Variants in SAMD3 observed in about 807,000 individuals in gnomAD.
The protein encoded by SAMD3 is sterile alpha motif domain-containing protein 3.
Under a neutral mutation model 58.5 loss-of-function variants are expected in SAMD3, and 63 were observed. The ratio of observed to expected loss-of-function variants is 1.08; its 90% CI spans 0.88 to 1.33. The LOEUF is 1.33. SAMD3 is among the 40% of genes most tolerant of loss of function. The probability of loss-of-function intolerance (pLI) is 0.00; values close to 1 mark genes in which losing one functional copy is unlikely to be tolerated. For missense variants in SAMD3, 604 were observed against 608.4 expected, an observed-to-expected ratio of 0.99 and a Z score of 0.08; for synonymous variants, 220 against 210.3, an observed-to-expected ratio of 1.05 and a Z score of -0.40.
intron 8 of SAMD3, among the ~76,000 whole-genome samples, chr6:130,175,490 T>G (rs1283512966): frequency 6.6e-6 from 1 of 152,044 alleles, no homozygotes; most frequent in African/African-American, 2.4e-5. Flanking sequence ...ATGTGAGTAT[T>G]AAAAAACTTC....
chr6:130,177,735 ACTTC>A (rs1324384353), intron 7 of SAMD3, among the ~76,000 whole-genome samples: 2 of 150,330 alleles, frequency 1.3e-5, no homozygotes, highest in South Asian at 2.1e-4. Context: ...TCCCTCCTTC[ACTTC>A]CTTCCTTCCT....
intron 2 of SAMD3, chr6:130,215,845 C>T (rs757005306): frequency 6.5e-6 from 10 of 1,534,684 alleles, no homozygotes; most frequent in South Asian, 4.8e-5. Context: ...TGCTGCTTCT[C>T]ATTGTTTTCC....
At chr6:130,331,413 C>T (rs1226129609) in intron 1 of SAMD3, among the ~76,000 whole-genome samples, 1 of 152,072 alleles carries the variant, frequency 6.6e-6, no homozygotes, top group African/African-American at 2.4e-5. Context: ...ATATTAGTGA[C>T]TGGATAAAAA....
In SAMD3 at chr6:130,184,088, C is replaced by T. The variant is rs374140639; in HGVS notation, c.654+15G>A. On this transcript the variant is annotated intron_variant, in intron 7 of 11. Transcript: ENST00000439090. ...TAGTCTGAAATTAACAGGATGGTGC[C>T]ATGTGGTCACTTACGAAGCCACAGC... 44 of 1,603,286 alleles carry T rather than the reference C, an allele frequency of 2.7e-5. No individual in the cohort carries two copies. In the African/African-American group the frequency reaches 5.7e-4, roughly 21 times the overall value.
Position 130,184,713 on chromosome 6 carries a change from A to C in SAMD3, c.384-90T>G. On this transcript the variant is annotated intron_variant, in intron 5 of 11. Transcript: ENST00000439090. ...TACATCCTGAGAACTTATGAAATAAACAACTTTCCTGAGACCCAAATATAT... is the reference window on the plus strand; with the variant it reads ...TACATCCTGAGAACTTATGAAATAACCAACTTTCCTGAGACCCAAATATAT... 2.7e-6 allele frequency: 3 copies of C among 1,131,298 alleles called. No homozygotes were observed. In the South Asian group the frequency reaches 5.0e-5, roughly 19 times the overall value. 70.1% of individuals were successfully genotyped at this position (1,131,298 alleles called of 1,614,324 possible). A position where few individuals can be genotyped will look rare whatever the true frequency, so the allele number is the denominator to read the frequency against.
At chr6:130,290,910 G>A (rs936081413) in intron 2 of SAMD3, among the ~76,000 whole-genome samples, 1 of 152,176 alleles carries the variant, frequency 6.6e-6, no homozygotes, top group African/African-American at 2.4e-5. Flanking sequence ...TAGTCCTGCT[G>A]TTTTCCCTTT....
chr6:130,334,982 G>T (rs1354660809), intron 1 of SAMD3, among the ~76,000 whole-genome samples: 1 of 152,204 alleles, frequency 6.6e-6, no homozygotes, highest in Non-Finnish European at 1.5e-5. Context: ...TCATTTAAAA[G>T]ATTTATAATA....
At chr6:130,220,046 G>T (rs1796154255) in intron 1 of SAMD3, among the ~76,000 whole-genome samples, 1 of 152,108 alleles carries the variant, frequency 6.6e-6, no homozygotes, top group African/African-American at 2.4e-5. Context: ...CTGTCATCCA[G>T]ACTGGAGTGC....
At chr6:130,231,695 A>G (rs1389321518) in intron 2 of SAMD3, among the ~76,000 whole-genome samples, 2 of 152,242 alleles carry the variant, frequency 1.3e-5, no homozygotes, top group Admixed American at 1.3e-4. Context: ...TATGTGTGTT[A>G]TTAAAAACAA....
intron 1 of SAMD3, among the ~76,000 whole-genome samples, chr6:130,219,502 G>A (rs1055586780): frequency 3.3e-5 from 5 of 151,970 alleles, no homozygotes; most frequent in South Asian, 2.1e-4. Context: ...ACTTTTTCCC[G>A]AGTCCTCAAA....
intron 2 of SAMD3, among the ~76,000 whole-genome samples, chr6:130,241,186 C>A (rs933165525): frequency 6.7e-6 from 1 of 149,816 alleles, no homozygotes; most frequent in Non-Finnish European, 1.5e-5. Flanking sequence ...CCTGAAGAAC[C>A]TGTTTTGTAC....
At chr6:130,196,928 T>A (rs1256007599) in intron 5 of SAMD3, among the ~76,000 whole-genome samples, 1 of 152,232 alleles carries the variant, frequency 6.6e-6, no homozygotes, top group African/African-American at 2.4e-5. Context: ...TACAGTCTGA[T>A]AACAGACCAG....
At chr6:130,253,124 G>A (rs537692359) in intron 2 of SAMD3, among the ~76,000 whole-genome samples, 25 of 152,232 alleles carry the variant, frequency 1.6e-4, no homozygotes, top group South Asian at 1.2e-3. Context: ...TAGCAATTGC[G>A]CAGGAGATGC....
chr6:130,179,810 C>CTTTTTTTTTTTTTTT (rs71028199), intron 7 of SAMD3, among the ~76,000 whole-genome samples: 1 of 116,252 alleles, frequency 8.6e-6, no homozygotes, highest in African/African-American at 3.3e-5. Flanking sequence ...TGTCCTTATT[C>CTTTTTTTTTTTTTTT]TTTTTTTTTT....
chr6:130,144,015 T>G (rs1788399915), downstream of SAMD3: 1 of 153,766 alleles, frequency 6.5e-6, no homozygotes, highest in African/African-American at 2.4e-5. Flanking sequence ...AACAAGCGAT[T>G]AAAGACAACC....
At chr6:130,251,983 A>G (rs1016177229) in intron 2 of SAMD3, among the ~76,000 whole-genome samples, 2 of 151,778 alleles carry the variant, frequency 1.3e-5, no homozygotes, top group Middle Eastern at 3.4e-3. Flanking sequence ...TAGATGTTCT[A>G]TTCCTTGTTG....
intron 9 of SAMD3, among the ~76,000 whole-genome samples, chr6:130,150,679 G>A (rs1582716007): frequency 6.7e-6 from 1 of 150,372 alleles, no homozygotes; most frequent in East Asian, 1.9e-4. Flanking sequence ...ATGCTGAGGT[G>A]TTCTGCAGGG....
chr6:130,290,557 C>T (rs1775330839), intron 2 of SAMD3, among the ~76,000 whole-genome samples: 1 of 152,110 alleles, frequency 6.6e-6, no homozygotes, highest in African/African-American at 2.4e-5. Flanking sequence ...GCCTAGTTGA[C>T]ACGTAAAATT....
At chr6:130,238,995 G>T (rs377192116) in intron 2 of SAMD3, among the ~76,000 whole-genome samples, 4 of 152,276 alleles carry the variant, frequency 2.6e-5, no homozygotes, top group Admixed American at 6.5e-5. Context: ...CTGATCTCAA[G>T]TCATCCGCCT....
Sources: allele counts gnomAD v4.1 joint callset (sites outside exome capture counted in the v4.1 genomes callset), GRCh38; gene constraint gnomAD v4.1.1; transcripts MANE v1.5; gene names NCBI Gene and HGNC (gene_info 2026-07-23, HGNC 2026-07-21).